Variants in SHROOM4 observed in about 807,000 individuals in gnomAD.
SHROOM4 encodes shroom family member 4, also known as protein Shroom4.
Under a neutral mutation model 80.3 loss-of-function variants are expected in SHROOM4, and 17 were observed. The ratio of observed to expected loss-of-function variants is 0.21; its 90% CI spans 0.14 to 0.32. The LOEUF (loss-of-function observed/expected upper bound fraction) is 0.32, where lower values mean the gene tolerates loss of function less well. Ranked by LOEUF, SHROOM4 falls within the 10% of genes least tolerant of loss-of-function variation. SHROOM4 has a pLI of 1.00. For missense variants in SHROOM4, 993 were observed against 1,140.3 expected (o/e 0.87, Z 1.86); for synonymous variants, 400 against 437.5 (o/e 0.91, Z 1.07).
chrX:50,602,744 G>A lies in SHROOM4; in HGVS notation c.3831C>T (p.Tyr1277=). The change falls in exon 7 of 9, where the codon TAC becomes TAT. Residue 1277 remains tyrosine (Y), a synonymous_variant. Coordinates refer to ENST00000376020, the MANE Select transcript of SHROOM4 (RefSeq NM_020717.5). ...PGIPTSYSAY[Y]NISVAKAELL... ...GCTCTGCCTTGGCCACAGAAATATT[G>A]TAATAAGCTGAGTAAGAGGTAGGGA... 2.5e-6 allele frequency: 3 copies of A among 1,211,178 alleles called. No individual in the cohort carries two copies. The highest frequency in any genetic ancestry group is 3.4e-6 in the Non-Finnish European group (3 of 895,118).
At chrX:50,613,810 T>G (rs1930102674) in intron 5 of SHROOM4, among the ~76,000 whole-genome samples, 1 of 111,990 alleles carries the variant, frequency 8.9e-6, no homozygotes, top group South Asian at 3.7e-4. Context: ...AAATTTCATA[T>G]GGGAAAATTA....
intron 1 of SHROOM4, among the ~76,000 whole-genome samples, chrX:50,704,289 A>T (rs186583891): frequency 2.0e-4 from 23 of 112,554 alleles, no homozygotes; most frequent in Admixed American, 1.4e-3. Flanking sequence ...TTAAAACAAG[A>T]GGTGTGTTAA....
At chrX:50,686,631 A>G (rs906045141) in intron 2 of SHROOM4, among the ~76,000 whole-genome samples, 6 of 111,495 alleles carry the variant, frequency 5.4e-5, no homozygotes, top group Admixed American at 4.8e-4. Flanking sequence ...CATATTTTAT[A>G]TGTGTGTGTA....
chrX:50,795,127 G>GATATATAT (rs1296594833), intron 1 of SHROOM4, among the ~76,000 whole-genome samples: 1 of 2,338 alleles, frequency 4.3e-4, no homozygotes, highest in African/African-American at 8.4e-4. Context: ...ATATATATAT[G>GATATATAT]ATATATATAT....
chrX:50,635,629 G>A lies in SHROOM4; in HGVS notation c.444C>T (p.Cys148=). 3.3e-6 allele frequency: 4 copies of A among 1,210,167 alleles called. No individual in the cohort carries two copies. In the African/African-American group the frequency reaches 5.2e-5, roughly 16 times the overall value. ...CAATGGAGCTGCTTTTCTCGGTGCT[G>A]CAATGCCGGGAGAGTGGACACCACT... is the stretch of plus-strand genomic sequence containing the variant. ...CVQWCPLSRH[C]STEKSSSIGS... The change falls in exon 4 of 9, where the codon TGC becomes TGT. Residue 148 remains cysteine (C), a synonymous_variant. Coordinates refer to ENST00000376020, the MANE Select transcript of SHROOM4 (RefSeq NM_020717.5).
In SHROOM4 at chrX:50,687,513, T is replaced by C. The variant is rs1379526365; in HGVS notation, c.269+8273A>G. ...CATCTTCCTATCCCTGGTATATTAA[T>C]ACATGGTAGGACAACTTCAGTTTTA... is the stretch of plus-strand genomic sequence containing the variant. On this transcript the variant is annotated intron_variant, in intron 2 of 8. Transcript: ENST00000376020. Among the ~76,000 whole-genome samples, 3 of 111,047 alleles carry C rather than the reference T, an allele frequency of 2.7e-5. No homozygotes were observed. In the East Asian group the frequency reaches 8.5e-4, roughly 31 times the overall value.
In SHROOM4 at chrX:50,607,425, A is replaced by G; in HGVS notation, c.3717T>C (p.Gly1239=). 1.7e-6 allele frequency: 2 copies of G among 1,211,610 alleles called. No homozygotes were observed. Among genetic ancestry groups the G allele is most frequent in the African/African-American group, 1.7e-5 (1 of 57,751 alleles). Residue 1239 remains glycine, a synonymous_variant, in exon 6 of 9, where the codon GGT becomes GGC. Transcript: ENST00000376020. ...CCTGTCCCGATGTCCTCCAAAGCCC[A>G]CCAATGCCATAGTAGCAAGGGGGCT... The part of the protein sequence containing the change: ...QAQPPCYYGI[G]GLWRTSGQEA...
intron 1 of SHROOM4, among the ~76,000 whole-genome samples, chrX:50,784,545 G>A (rs1331576816): frequency 9.0e-6 from 1 of 111,529 alleles, no homozygotes; most frequent in African/African-American, 3.3e-5. Flanking sequence ...ATAACTAGAC[G>A]TCCATATGCA....
chrX:50,740,934 A>G (rs1413726959), intron 1 of SHROOM4, among the ~76,000 whole-genome samples: 1 of 111,821 alleles, frequency 8.9e-6, no homozygotes, highest in East Asian at 2.8e-4. Context: ...TCTTATATTT[A>G]AGTCTTTAAT....
At chrX:50,786,447 C>T (rs1420196686) in intron 1 of SHROOM4, among the ~76,000 whole-genome samples, 1 of 111,949 alleles carries the variant, frequency 8.9e-6, no homozygotes, top group Non-Finnish European at 1.9e-5. Flanking sequence ...CGTGCTCCAA[C>T]CTTTTTTGTG....
chrX:50,775,150 T>C (rs1013857496), intron 1 of SHROOM4, among the ~76,000 whole-genome samples: 2 of 111,497 alleles, frequency 1.8e-5, no homozygotes, highest in Non-Finnish European at 3.8e-5. Context: ...GGTTGGGACC[T>C]CCAAAATGCT....
chrX:50,633,151 T>C (rs782109121), intron 4 of SHROOM4, 27 bp downstream of exon 4: 72 of 1,179,327 alleles, frequency 6.1e-5, no homozygotes, highest in Non-Finnish European at 7.8e-5. Context: ...ATAATGAAGG[T>C]TACCCACCCA....
At chrX:50,728,813 G>A (rs1365651974) in intron 1 of SHROOM4, among the ~76,000 whole-genome samples, 4 of 111,921 alleles carry the variant, frequency 3.6e-5, no homozygotes, top group Non-Finnish European at 7.5e-5. Flanking sequence ...CTGACTAAGG[G>A]GAGTAATCAT....
At chrX:50,639,955 A>G (rs1382754466) in intron 2 of SHROOM4, among the ~76,000 whole-genome samples, 1 of 111,617 alleles carries the variant, frequency 9.0e-6, no homozygotes, top group African/African-American at 3.3e-5. Context: ...AAGCCAGGTG[A>G]AGCCCCTAGC....
chrX:50,739,402 G>A (rs1329619307), intron 1 of SHROOM4, among the ~76,000 whole-genome samples: 1 of 111,361 alleles, frequency 9.0e-6, no homozygotes, highest in Admixed American at 9.5e-5. Context: ...GCAGCCTACA[G>A]AATGGGAGAA....
chrX:50,694,859 G>A (rs1247091354), intron 2 of SHROOM4, among the ~76,000 whole-genome samples: 2 of 107,755 alleles, frequency 1.9e-5, no homozygotes, highest in Non-Finnish European at 3.8e-5. Context: ...GGAGAAAGAC[G>A]GGGCAGGAGC....
chrX:50,789,008 T>C (rs1473875713), intron 1 of SHROOM4, among the ~76,000 whole-genome samples: 1 of 111,795 alleles, frequency 8.9e-6, no homozygotes, highest in Non-Finnish European at 1.9e-5. Flanking sequence ...CACCGAAATA[T>C]ATAAAGCAAA....
chrX:50,605,277 T>C (rs1361734184), intron 6 of SHROOM4, among the ~76,000 whole-genome samples: 2 of 112,012 alleles, frequency 1.8e-5, no homozygotes, highest in Non-Finnish European at 3.8e-5. Context: ...AGGTTTATTT[T>C]CATGATTAAA....
intron 5 of SHROOM4, among the ~76,000 whole-genome samples, chrX:50,620,457 A>C (rs187050105): frequency 1.6e-3 from 178 of 111,633 alleles, no homozygotes; most frequent in Non-Finnish European, 2.9e-3. Context: ...AACATCTTTA[A>C]ATAATTTTTT....
Sources: gnomAD v4.1 joint callset for allele counts (sites outside exome capture counted in the v4.1 genomes callset) on GRCh38, gnomAD v4.1.1 for gene constraint, MANE v1.5 for transcripts, NCBI Gene and HGNC (gene_info 2026-07-23, HGNC 2026-07-21) for gene names.